Variants in CD200R1 observed in about 807,000 individuals in gnomAD.
CD200R1 encodes cell surface glycoprotein CD200 receptor 1.
In CD200R1, 30 loss-of-function variants were observed where a neutral mutation model predicts 38.1. The ratio of observed to expected loss-of-function variants is 0.79; its 90% CI spans 0.59 to 1.07. The LOEUF (loss-of-function observed/expected upper bound fraction) is 1.07. Among genes scored for constraint, CD200R1 ranks in the 50% least tolerant of loss-of-function variants. The pLI, the probability that CD200R1 is intolerant of heterozygous loss-of-function variation, is 0.00. For missense variants in CD200R1, 372 were observed against 415.4 expected, an observed-to-expected ratio of 0.90 and a Z score of 0.91; for synonymous variants, 128 against 152.1, an observed-to-expected ratio of 0.84 and a Z score of 1.16.
chr3:112,931,070 C>A, intron 3 of CD200R1, 36 bp downstream of exon 3: 1 of 1,450,196 alleles, frequency 6.9e-7, no homozygotes, highest in South Asian at 1.1e-5. Context: ...AACTTTCCAT[C>A]CCTAGGTGCT....
chr3:112,938,397 T>C (rs1940636385), intron 2 of CD200R1, among the ~76,000 whole-genome samples: 1 of 151,902 alleles, frequency 6.6e-6, no homozygotes, highest in Non-Finnish European at 1.5e-5. Context: ...AAAAACCAAA[T>C]TAATAAAATC....
At chr3:112,953,693 A>G (rs1409037011) in intron 1 of CD200R1, among the ~76,000 whole-genome samples, 1 of 152,090 alleles carries the variant, frequency 6.6e-6, no homozygotes, top group Non-Finnish European at 1.5e-5. Flanking sequence ...ATGTCCAGGA[A>G]TTTATCCATT....
chr3:112,931,227 A>G, intron 2 of CD200R1, 56 bp from the exon 3 acceptor site: 1 of 1,070,310 alleles, frequency 9.3e-7, no homozygotes, highest in Non-Finnish European at 1.5e-6. Flanking sequence ...TCAGAGTGGA[A>G]GCCAGTATCC....
chr3:112,958,509 T>C (rs952464281), intron 1 of CD200R1, among the ~76,000 whole-genome samples: 1 of 152,186 alleles, frequency 6.6e-6, no homozygotes, highest in Non-Finnish European at 1.5e-5. Flanking sequence ...ACATGAGAAA[T>C]ATTTTGGAAA....
intron 1 of CD200R1, among the ~76,000 whole-genome samples, chr3:112,961,789 A>G (rs923731439): frequency 3.9e-5 from 6 of 152,324 alleles, no homozygotes; most frequent in South Asian, 2.1e-4. Context: ...TTCAAAAAAT[A>G]TGCTGAAAAC....
intron 1 of CD200R1, among the ~76,000 whole-genome samples, chr3:112,948,612 C>A (rs1031134564): frequency 6.6e-6 from 1 of 152,162 alleles, no homozygotes; most frequent in Non-Finnish European, 1.5e-5. Flanking sequence ...GAGCTCAGGC[C>A]GCAATTCTCA....
intron 2 of CD200R1, among the ~76,000 whole-genome samples, chr3:112,937,778 G>T (rs1301567718): frequency 1.3e-5 from 2 of 152,074 alleles, no homozygotes; most frequent in African/African-American, 2.4e-5. Flanking sequence ...AAACTATTTT[G>T]GGCAGTATGG....
intron 2 of CD200R1, among the ~76,000 whole-genome samples, chr3:112,939,308 A>G (rs1405709140): frequency 1.3e-5 from 2 of 151,960 alleles, no homozygotes; most frequent in African/African-American, 4.8e-5. Flanking sequence ...TAAGTAAAGT[A>G]CATCCAATTT....
intron 1 of CD200R1, among the ~76,000 whole-genome samples, chr3:112,962,549 T>A (rs555289963): frequency 6.6e-6 from 1 of 152,336 alleles, no homozygotes; most frequent in East Asian, 1.9e-4. Flanking sequence ...CATTTTTGAA[T>A]GCTTATAAAT....
At chr3:112,946,851 T>G (rs557732256) in intron 2 of CD200R1, among the ~76,000 whole-genome samples, 1 of 152,270 alleles carries the variant, frequency 6.6e-6, no homozygotes. Context: ...AATTGCAGCT[T>G]TTTTCCTAAT....
intron 1 of CD200R1, among the ~76,000 whole-genome samples, chr3:112,948,558 C>A (rs1940912993): frequency 6.6e-6 from 1 of 152,174 alleles, no homozygotes. Context: ...AGGGTTCATG[C>A]TCCTGTGAGC....
intron 1 of CD200R1, among the ~76,000 whole-genome samples, chr3:112,951,269 T>C (rs913115684): frequency 6.6e-6 from 1 of 152,052 alleles, no homozygotes; most frequent in African/African-American, 2.4e-5. Flanking sequence ...ACAGTTGAAA[T>C]GGACAAATTC....
rs1940447865 is a variant in CD200R1, at chr3:112,931,802, T to G, written c.137-631A>C. Among the ~76,000 whole-genome samples the G allele has an allele frequency of 2.0e-5, 3 of 151,738 alleles. No homozygotes were observed. In the South Asian group the frequency reaches 6.2e-4, roughly 32 times the overall value. ...AGACAGCTAAGATTCTACTGGAGTATCAAAGGGAGAGTGCAGGAGTGCAGA... is the reference window on the plus strand; with the variant it reads ...AGACAGCTAAGATTCTACTGGAGTAGCAAAGGGAGAGTGCAGGAGTGCAGA... On this transcript the variant is annotated intron_variant, in intron 2 of 7. Coordinates refer to ENST00000308611, the MANE Select transcript of CD200R1 (RefSeq NM_138806.4).
At chr3:112,933,353 C>A (rs1049770563) in intron 2 of CD200R1, among the ~76,000 whole-genome samples, 1 of 152,210 alleles carries the variant, frequency 6.6e-6, no homozygotes, top group Admixed American at 6.5e-5. Context: ...CATGTGCACA[C>A]AAGCACCCAT....
chr3:112,962,873 C>T (rs1322921343), intron 1 of CD200R1, among the ~76,000 whole-genome samples: 1 of 152,086 alleles, frequency 6.6e-6, no homozygotes, highest in Non-Finnish European at 1.5e-5. Context: ...AATGCAATGC[C>T]ACAAAGCCAA....
intron 2 of CD200R1, among the ~76,000 whole-genome samples, chr3:112,945,347 G>C (rs2107321646): frequency 6.6e-6 from 1 of 152,286 alleles, no homozygotes; most frequent in East Asian, 1.9e-4. Context: ...AATCAAGTCA[G>C]TATTTTATTA....
chr3:112,934,455 T>C (rs1361561117), intron 2 of CD200R1, among the ~76,000 whole-genome samples: 1 of 152,104 alleles, frequency 6.6e-6, no homozygotes, highest in African/African-American at 2.4e-5. Context: ...CAGATGTAAG[T>C]TCTCATCTAT....
chr3:112,956,407 T>C (rs1941101367), intron 1 of CD200R1, among the ~76,000 whole-genome samples: 1 of 152,180 alleles, frequency 6.6e-6, no homozygotes, highest in African/African-American at 2.4e-5. Flanking sequence ...GGCCACTTAA[T>C]ATTTTCCTAA....
intron 2 of CD200R1, among the ~76,000 whole-genome samples, chr3:112,944,653 G>GA (rs1940805206): frequency 6.6e-6 from 1 of 151,664 alleles, no homozygotes; most frequent in Non-Finnish European, 1.5e-5. Context: ...AATAAGACAA[G>GA]AAAAAATAAA....
Sources: allele counts gnomAD v4.1 joint callset (sites outside exome capture counted in the v4.1 genomes callset), GRCh38; gene constraint gnomAD v4.1.1; transcripts MANE v1.5; gene names NCBI Gene and HGNC (gene_info 2026-07-23, HGNC 2026-07-21).